NTM: variants seen among roughly 807,000 people sequenced by gnomAD.
NTM encodes the protein IgLON family member 2.
Under a neutral mutation model 42.1 loss-of-function variants are expected in NTM, and 13 were observed. The observed-to-expected ratio is 0.31, with a 90% confidence interval of 0.20 to 0.49. The LOEUF (loss-of-function observed/expected upper bound fraction) is 0.49, where lower values mean the gene tolerates loss of function less well. Ranked by LOEUF, NTM falls within the 20% of genes least tolerant of loss-of-function variation. The probability of loss-of-function intolerance (pLI) is 0.99; values close to 1 mark genes in which losing one functional copy is unlikely to be tolerated. For missense variants in NTM, 373 were observed against 452.8 expected (o/e 0.82, Z 1.60); for synonymous variants, 187 against 179.2 (o/e 1.04, Z -0.35).
chr11:131,769,542 T>G (rs1217189276), intron 1 of NTM: 1 of 923,768 alleles, frequency 1.1e-6, no homozygotes, highest in African/African-American at 1.8e-5. Context: ...TTTCCTTTTT[T>G]TTCTGGAAGA....
At chr11:132,213,593 A>T (rs2083272861) in intron 4 of NTM, among the ~76,000 whole-genome samples, 1 of 152,192 alleles carries the variant, frequency 6.6e-6, no homozygotes, top group Non-Finnish European at 1.5e-5. Flanking sequence ...TTAATAAATC[A>T]GAGTAAGACT....
chr11:131,668,266 AT>A (rs2069452442), intron 1 of NTM, among the ~76,000 whole-genome samples: 1 of 151,820 alleles, frequency 6.6e-6, no homozygotes, highest in South Asian at 2.1e-4. Context: ...CTATCTATCT[AT>A]CTATCTATCT....
chr11:132,218,187 G>A (rs1346376799), intron 4 of NTM, among the ~76,000 whole-genome samples: 5 of 152,176 alleles, frequency 3.3e-5, no homozygotes, highest in Non-Finnish European at 7.3e-5. Context: ...CAGCAAAGAG[G>A]AGCTGGGGAG....
chr11:132,088,735 G>A (rs529715439), intron 2 of NTM, among the ~76,000 whole-genome samples: 2 of 152,178 alleles, frequency 1.3e-5, no homozygotes, highest in East Asian at 3.9e-4. Flanking sequence ...TTTCACCATG[G>A]GCATGTTTAG....
At chr11:131,863,202 T>C (rs570731536) in intron 1 of NTM, among the ~76,000 whole-genome samples, 5 of 152,296 alleles carry the variant, frequency 3.3e-5, no homozygotes, top group Admixed American at 6.5e-5. Flanking sequence ...AATCAGGCAG[T>C]GAAGAAAGGG....
intron 1 of NTM, among the ~76,000 whole-genome samples, chr11:131,705,828 A>G (rs1194150083): frequency 2.0e-5 from 3 of 152,094 alleles, no homozygotes; most frequent in Non-Finnish European, 4.4e-5. Flanking sequence ...AACCACAAAG[A>G]AAAAACCTGT....
chr11:131,371,219 A>G lies in NTM; in HGVS notation c.82+331A>G, dbSNP rs1300675169. ...GGAGCACACATGTAAGCAGGGGGAA[A>G]TGACAGATTCGGAGGGCAACAGGGT... On this transcript the variant is annotated intron_variant, in intron 1 of 8. Coordinates refer to ENST00000683400, the MANE Select transcript of NTM (RefSeq NM_001352005.2). 6.0e-6 allele frequency: 3 copies of G among 497,584 alleles called. No individual in the cohort carries two copies. In the African/African-American group the frequency reaches 6.3e-5, roughly 10 times the overall value. 30.8% of individuals were successfully genotyped at this position (497,584 alleles called of 1,614,324 possible).
chr11:131,884,855 C>A (rs2137356391), intron 1 of NTM, among the ~76,000 whole-genome samples: 1 of 152,266 alleles, frequency 6.6e-6, no homozygotes, highest in Middle Eastern at 3.4e-3. Flanking sequence ...GTTAATAATT[C>A]TTGAGTGCTT....
chr11:131,498,459 G>A (rs1306804654), intron 1 of NTM, among the ~76,000 whole-genome samples: 1 of 152,134 alleles, frequency 6.6e-6, no homozygotes, highest in East Asian at 1.9e-4. Flanking sequence ...ATGGTTAGAA[G>A]TTTCTTCTGA....
chr11:132,004,432 CATCTTTGAAAG>C (rs1361969158), intron 2 of NTM, among the ~76,000 whole-genome samples: 1 of 152,098 alleles, frequency 6.6e-6, no homozygotes, highest in African/African-American at 2.4e-5. Context: ...TCCTGTGGTT[CATCTTTGAAAG>C]ATCTCTCTTC....
chr11:131,633,097 G>T (rs2063829198), intron 1 of NTM, among the ~76,000 whole-genome samples: 1 of 152,158 alleles, frequency 6.6e-6, no homozygotes, highest in Non-Finnish European at 1.5e-5. Flanking sequence ...TCCAAAGTGG[G>T]GGACACATCA....
chr11:131,796,312 C>T lies in NTM; in HGVS notation c.83-115252C>T, dbSNP rs1029461555. 23 of 327,850 alleles carry T rather than the reference C, an allele frequency of 7.0e-5. 1 individual carries two copies. The highest frequency in any genetic ancestry group is 1.9e-4 in the Admixed American group (3 of 15,498). 20.3% of individuals were successfully genotyped at this position (327,850 alleles called of 1,614,324 possible). ...TGGCTGTGCTGGTGTCTCAGGAGCA[C>T]GCAGGAGGCAGGAGGGTCACGCGGA... On this transcript the variant is annotated intron_variant, in intron 1 of 8. Coordinates refer to ENST00000683400, the MANE Select transcript of NTM (RefSeq NM_001352005.2).
At chr11:131,997,425 G>A (rs1245009404) in intron 2 of NTM, among the ~76,000 whole-genome samples, 1 of 152,198 alleles carries the variant, frequency 6.6e-6, no homozygotes, top group African/African-American at 2.4e-5. Flanking sequence ...TAAGACTCCA[G>A]ATCAAGGCAC....
intron 1 of NTM, among the ~76,000 whole-genome samples, chr11:131,839,566 G>A (rs1410294335): frequency 6.6e-6 from 1 of 152,194 alleles, no homozygotes; most frequent in Non-Finnish European, 1.5e-5. Flanking sequence ...ATTAGTGGGA[G>A]TTAAGGAAGC....
intron 4 of NTM, among the ~76,000 whole-genome samples, chr11:132,296,350 T>C (rs2094609362): frequency 6.6e-6 from 1 of 152,220 alleles, no homozygotes; most frequent in African/African-American, 2.4e-5. Flanking sequence ...GTGGGCCTTA[T>C]GTGATGCTGT....
chr11:132,273,290 C>T (rs1223020701), intron 4 of NTM, among the ~76,000 whole-genome samples: 2 of 134,764 alleles, frequency 1.5e-5, no homozygotes, highest in African/African-American at 5.4e-5. Flanking sequence ...TTATTTGTTG[C>T]CAGGTTTTGT....
At chr11:132,147,955 G>C (rs1180095201) in intron 3 of NTM, among the ~76,000 whole-genome samples, 1 of 152,190 alleles carries the variant, frequency 6.6e-6, no homozygotes, top group Non-Finnish European at 1.5e-5. Context: ...ACTGTTGAGT[G>C]AGGCAGGGTG....
chr11:132,060,626 T>C (rs561591217), intron 2 of NTM, among the ~76,000 whole-genome samples: 77 of 152,338 alleles, frequency 5.1e-4, no homozygotes, highest in African/African-American at 1.6e-3. Flanking sequence ...AAACCACTCA[T>C]AGAAAATCAA....
At chr11:131,384,558 A>G (rs1040290274) in intron 1 of NTM, among the ~76,000 whole-genome samples, 6 of 56,234 alleles carry the variant, frequency 1.1e-4, no homozygotes, top group Admixed American at 7.7e-4. Context: ...AGGTTTTCTA[A>G]TTTAAAGAGA....
Sources: gnomAD v4.1 joint callset for allele counts (sites outside exome capture counted in the v4.1 genomes callset) on GRCh38, gnomAD v4.1.1 for gene constraint, MANE v1.5 for transcripts, NCBI Gene and HGNC (gene_info 2026-07-23, HGNC 2026-07-21) for gene names.